Variants in CNTNAP2 observed in about 807,000 individuals in gnomAD.
CNTNAP2 encodes the protein contactin-associated protein-like 2.
CNTNAP2 carries 98 observed loss-of-function variants against 155.2 expected under a neutral mutation model. The ratio of observed to expected loss-of-function variants is 0.63; its 90% CI spans 0.54 to 0.75. The LOEUF (loss-of-function observed/expected upper bound fraction) is 0.75, where lower values mean the gene tolerates loss of function less well. Among genes scored for constraint, CNTNAP2 ranks in the 30% least tolerant of loss-of-function variants. CNTNAP2 has a pLI of 0.00. For missense variants in CNTNAP2, 1,727 were observed against 1,688.1 expected, an observed-to-expected ratio of 1.02 and a Z score of -0.40; for synonymous variants, 651 against 631.2, an observed-to-expected ratio of 1.03 and a Z score of -0.47.
At chr7:148,038,826 AGATGGATGGATGGATGGATG>A (rs58688357) in intron 15 of CNTNAP2, among the ~76,000 whole-genome samples, 2 of 147,824 alleles carry the variant, frequency 1.4e-5, no homozygotes, top group African/African-American at 5.0e-5. Flanking sequence ...ATGGATGGAT[AGATGGATGGATGGATGGATG>A]GATGGATGGA....
chr7:148,408,271 C>G (rs1048636309), intron 22 of CNTNAP2, among the ~76,000 whole-genome samples: 1 of 151,896 alleles, frequency 6.6e-6, no homozygotes, highest in Non-Finnish European at 1.5e-5. Flanking sequence ...GCCCCACACA[C>G]ACACAAAAAA....
intron 13 of CNTNAP2, among the ~76,000 whole-genome samples, chr7:147,885,097 C>T (rs965422791): frequency 6.6e-6 from 1 of 152,188 alleles, no homozygotes; most frequent in Non-Finnish European, 1.5e-5. Flanking sequence ...TTTGATGTTA[C>T]TTTCAATGGT....
intron 3 of CNTNAP2, among the ~76,000 whole-genome samples, chr7:146,865,671 T>A (rs1290112346): frequency 2.6e-5 from 4 of 152,148 alleles, no homozygotes; most frequent in Non-Finnish European, 4.4e-5. Flanking sequence ...CCACTAGTTT[T>A]AAACCTCTAG....
intron 9 of CNTNAP2, among the ~76,000 whole-genome samples, chr7:147,348,866 A>T (rs1347743212): frequency 2.0e-5 from 3 of 152,040 alleles, no homozygotes; most frequent in Non-Finnish European, 4.4e-5. Flanking sequence ...ACTGGAAGAC[A>T]CTGTGTAAGT....
At chr7:148,176,211 C>CTTTTTTTTTTTTTTTTTTTTTTT (rs1188113801) in intron 18 of CNTNAP2, among the ~76,000 whole-genome samples, 10 of 92,792 alleles carry the variant, frequency 1.1e-4, no homozygotes, top group South Asian at 4.8e-4. Flanking sequence ...CTTTCTTTCT[C>CTTTTTTTTTTTTTTTTTTTTTTT]TTTTTTTTTT....
chr7:146,694,949 C>A (rs1800757374), intron 1 of CNTNAP2, among the ~76,000 whole-genome samples: 1 of 152,148 alleles, frequency 6.6e-6, no homozygotes, highest in South Asian at 2.1e-4. Flanking sequence ...AATCCTACAA[C>A]ATTACTATAA....
chr7:148,157,522 T>A (rs1195680231), intron 17 of CNTNAP2, among the ~76,000 whole-genome samples: 1 of 141,326 alleles, frequency 7.1e-6, no homozygotes, highest in Non-Finnish European at 1.5e-5. Flanking sequence ...GAAATATCTT[T>A]TTACTGGGAA....
chr7:147,473,390 G>A (rs1798261259), intron 10 of CNTNAP2, among the ~76,000 whole-genome samples: 1 of 152,108 alleles, frequency 6.6e-6, no homozygotes, highest in Non-Finnish European at 1.5e-5. Flanking sequence ...AAAGCCAGAG[G>A]AGATAGGACA....
intron 1 of CNTNAP2, among the ~76,000 whole-genome samples, chr7:146,169,623 T>G (rs1346447475): frequency 2.0e-5 from 3 of 152,040 alleles, no homozygotes; most frequent in Non-Finnish European, 1.5e-5. Flanking sequence ...ATTTCTCCAT[T>G]TCCCATACCT....
At chr7:147,413,590 A>G (rs144970257) in intron 10 of CNTNAP2, among the ~76,000 whole-genome samples, 2 of 152,310 alleles carry the variant, frequency 1.3e-5, no homozygotes, top group African/African-American at 4.8e-5. Flanking sequence ...GAATAAATCA[A>G]TATTTTTTTG....
chr7:148,230,818 C>T lies in CNTNAP2; in HGVS notation c.3381+1039C>T, dbSNP rs914387829. On this transcript the variant is annotated intron_variant, in intron 20 of 23. Transcript: ENST00000361727. ...ATCAAAGGTGGCATAATAAGGTTCT[C>T]TCATCATGGTCGACAGAGTCCCAGA... 4.6e-5 allele frequency among the ~76,000 whole-genome samples: 7 copies of T among 152,126 alleles called. No homozygotes were observed. The East Asian group carries it at 5.8e-4, about 13-fold the overall frequency.
intron 14 of CNTNAP2, among the ~76,000 whole-genome samples, chr7:147,950,936 C>G (rs1800919047): frequency 6.6e-6 from 1 of 152,252 alleles, no homozygotes; most frequent in Non-Finnish European, 1.5e-5. Context: ...ATTAACTGCT[C>G]TGGCCCAAGC....
intron 1 of CNTNAP2, among the ~76,000 whole-genome samples, chr7:146,357,477 A>T (rs1001639194): frequency 2.0e-5 from 3 of 152,166 alleles, no homozygotes; most frequent in Non-Finnish European, 4.4e-5. Flanking sequence ...TGTAGCTTAT[A>T]GATTACATCT....
At chr7:146,929,277 T>G (rs1275603592) in intron 3 of CNTNAP2, among the ~76,000 whole-genome samples, 7 of 152,144 alleles carry the variant, frequency 4.6e-5, no homozygotes, top group African/African-American at 1.4e-4. Flanking sequence ...CATTCGCGGT[T>G]CACGAAAATC....
intron 22 of CNTNAP2, among the ~76,000 whole-genome samples, chr7:148,402,785 T>C (rs1585347250): frequency 1.3e-5 from 2 of 152,142 alleles, no homozygotes; most frequent in East Asian, 3.8e-4. Flanking sequence ...ATGCTGAAAC[T>C]CCAGTGGTTT....
At chr7:146,433,446 A>G (rs1440431466) in intron 1 of CNTNAP2, among the ~76,000 whole-genome samples, 2 of 152,112 alleles carry the variant, frequency 1.3e-5, no homozygotes, top group Non-Finnish European at 2.9e-5. Context: ...AGAATTTCCA[A>G]AATGGGGTTG....
intron 1 of CNTNAP2, among the ~76,000 whole-genome samples, chr7:146,609,790 A>G (rs1223564090): frequency 6.6e-6 from 1 of 152,240 alleles, no homozygotes; most frequent in African/African-American, 2.4e-5. Context: ...AGGCCTTCCT[A>G]CATTTGATTA....
At chr7:148,300,003 G>C (rs899975048) in intron 21 of CNTNAP2, among the ~76,000 whole-genome samples, 5 of 152,180 alleles carry the variant, frequency 3.3e-5, no homozygotes, top group Admixed American at 1.3e-4. Context: ...CATAGTAAGA[G>C]GCCTCTGTCC....
At chr7:147,340,085 C>G (rs1255208187) in intron 9 of CNTNAP2, among the ~76,000 whole-genome samples, 1 of 152,144 alleles carries the variant, frequency 6.6e-6, no homozygotes, top group Non-Finnish European at 1.5e-5. Context: ...GCTAATAGAT[C>G]CTTTTCTAGC....
Sources: allele counts gnomAD v4.1 joint callset (sites outside exome capture counted in the v4.1 genomes callset), GRCh38; gene constraint gnomAD v4.1.1; transcripts MANE v1.5; gene names NCBI Gene and HGNC (gene_info 2026-07-23, HGNC 2026-07-21).